GRHL2: variants seen among roughly 807,000 people sequenced by gnomAD.
The protein encoded by GRHL2 is grainyhead like transcription factor 2, also known as grainyhead-like protein 2 homolog.
GRHL2 carries 21 observed loss-of-function variants against 83.8 expected under a neutral mutation model. The observed-to-expected ratio is 0.25, with a 90% CI of 0.18 to 0.36. The LOEUF is 0.36. Among genes scored for constraint, GRHL2 ranks in the 10% least tolerant of loss-of-function variants. GRHL2 has a pLI of 1.00. For missense variants in GRHL2, 623 were observed against 781.8 expected (o/e 0.80, Z 2.42); for synonymous variants, 280 against 278.9 (o/e 1.00, Z -0.04).
At chr8:101,590,344 A>G (rs1812253957) in intron 7 of GRHL2, among the ~76,000 whole-genome samples, 1 of 152,198 alleles carries the variant, frequency 6.6e-6, no homozygotes, top group Non-Finnish European at 1.5e-5. Flanking sequence ...ATCTACTTGG[A>G]CTAGGGTTCA....
intron 5 of GRHL2, among the ~76,000 whole-genome samples, chr8:101,570,759 A>G (rs748088834): frequency 1.3e-4 from 20 of 151,892 alleles, no homozygotes; most frequent in Non-Finnish European, 2.6e-4. Flanking sequence ...TTTATTTCCT[A>G]TTGTGGCTAA....
chr8:101,494,526 G>A (rs1049375513), intron 1 of GRHL2, among the ~76,000 whole-genome samples: 1 of 152,144 alleles, frequency 6.6e-6, no homozygotes, highest in Middle Eastern at 3.2e-3. Context: ...TAGTCTTCAA[G>A]GAAACACGAC....
At chr8:101,592,694 A>G (rs1242696812) in intron 7 of GRHL2, among the ~76,000 whole-genome samples, 1 of 152,150 alleles carries the variant, frequency 6.6e-6, no homozygotes, top group African/African-American at 2.4e-5. Context: ...AAGCACCGTT[A>G]TAGAATCCCT....
intron 7 of GRHL2, among the ~76,000 whole-genome samples, chr8:101,587,256 T>C (rs1805461744): frequency 6.6e-6 from 1 of 152,224 alleles, no homozygotes; most frequent in South Asian, 2.1e-4. Flanking sequence ...CTGGAAATGT[T>C]AAAGCCATGA....
chr8:101,669,000 G>A lies in GRHL2; in HGVS notation c.*2297G>A, dbSNP rs185758020. The A allele has an allele frequency of 6.6e-6, 1 of 152,336 alleles. No individual in the cohort carries two copies. The highest frequency in any genetic ancestry group is 1.9e-4 in the East Asian group (1 of 5,180). The allele number at this position is 152,336 out of a possible 1,614,324, so 9.4% of individuals were successfully genotyped here. A position where few individuals can be genotyped will look rare whatever the true frequency, so the allele number is the denominator to read the frequency against. On this transcript the variant is annotated 3_prime_UTR_variant, in exon 16 of 16. Coordinates refer to ENST00000646743, the MANE Select transcript of GRHL2 (RefSeq NM_024915.4). ...TTGCCACAAGGGATATGAGGCCAGT[G>A]CCACCAGAGGGTGGTGCCAAGTGCC...
At chr8:101,626,545 T>C (rs1813083561) in intron 9 of GRHL2, among the ~76,000 whole-genome samples, 1 of 152,054 alleles carries the variant, frequency 6.6e-6, no homozygotes, top group African/African-American at 2.4e-5. Flanking sequence ...AGCCACATTC[T>C]TAAAATACAT....
At chr8:101,663,627 A>AATTAATT (rs1813973490) in intron 14 of GRHL2, among the ~76,000 whole-genome samples, 1 of 142,870 alleles carries the variant, frequency 7.0e-6, no homozygotes, top group African/African-American at 2.7e-5. Flanking sequence ...ATAAATAAAT[A>AATTAATT]AATAAATAAA....
At chr8:101,575,873 C>T (rs1917734) in intron 6 of GRHL2, among the ~76,000 whole-genome samples, 2 of 152,190 alleles carry the variant, frequency 1.3e-5, no homozygotes, top group African/African-American at 4.8e-5. Context: ...GAATGGTTTT[C>T]TTTGTTGTCA....
intron 5 of GRHL2, among the ~76,000 whole-genome samples, chr8:101,572,048 T>G (rs1451942686): frequency 6.6e-6 from 1 of 152,192 alleles, no homozygotes; most frequent in Admixed American, 6.5e-5. Flanking sequence ...TGGGTTTTTA[T>G]CCTGTGTTAT....
intron 3 of GRHL2, among the ~76,000 whole-genome samples, chr8:101,553,996 CAT>C (rs1811441200): frequency 6.6e-6 from 1 of 152,164 alleles, no homozygotes; most frequent in South Asian, 2.1e-4. Context: ...GGAGAGAAGC[CAT>C]AGTGTTTTTC....
At chr8:101,641,022 C>T (rs576589988) in intron 12 of GRHL2, among the ~76,000 whole-genome samples, 1 of 152,238 alleles carries the variant, frequency 6.6e-6, no homozygotes, top group South Asian at 2.1e-4. Flanking sequence ...ATCTGTATTA[C>T]CTTTGAAAAT....
At chr8:101,649,984 C>T (rs1379591098) in intron 14 of GRHL2, among the ~76,000 whole-genome samples, 1 of 152,178 alleles carries the variant, frequency 6.6e-6, no homozygotes, top group African/African-American at 2.4e-5. Context: ...CCAACTTGGG[C>T]TCACAAGAAG....
chr8:101,552,320 G>A (rs1482064757), intron 2 of GRHL2, among the ~76,000 whole-genome samples: 1 of 152,056 alleles, frequency 6.6e-6, no homozygotes, highest in Non-Finnish European at 1.5e-5. Context: ...TGTTCTTTAT[G>A]GTGACACTTG....
At position 101,566,239 on chromosome 8, in the gene GRHL2, G is replaced by A. The variant is rs953259122; in HGVS notation, c.679-4100G>A. ...AAGTAAAATTTTAGAAATTCTCTGG[G>A]ATACACATTTTATACCTTAGGAGGA... On this transcript the variant is annotated intron_variant, in intron 4 of 15. Transcript: ENST00000646743. Among the ~76,000 whole-genome samples, 3 of 152,052 alleles carry A rather than the reference G, an allele frequency of 2.0e-5. 1 individual carries two copies. The highest frequency in any genetic ancestry group is 4.4e-5 in the Non-Finnish European group (3 of 68,012).
At chr8:101,495,825 A>G (rs1810089803) in intron 1 of GRHL2, among the ~76,000 whole-genome samples, 1 of 152,190 alleles carries the variant, frequency 6.6e-6, no homozygotes, top group African/African-American at 2.4e-5. Flanking sequence ...AGTCACAAAA[A>G]ATACAACAGT....
At position 101,543,171 on chromosome 8, in the gene GRHL2, A is replaced by G. The variant is rs1811190064; in HGVS notation, c.21-70A>G. On this transcript the variant is annotated intron_variant, in intron 1 of 15. Coordinates refer to ENST00000646743, the MANE Select transcript of GRHL2 (RefSeq NM_024915.4). The stretch of plus-strand genomic sequence containing the variant: ...AAATTAATGTTTGTAGTCATGTAAT[A>G]TGTATATTATTAGGGGTAAAAAATT... 3 of 1,054,410 alleles carry G rather than the reference A, an allele frequency of 2.8e-6. No individual in the cohort carries two copies. In the South Asian group the frequency reaches 3.8e-5, roughly 13 times the overall value. The allele number at this position is 1,054,410 out of a possible 1,614,324, so 65.3% of individuals were successfully genotyped here.
At chr8:101,651,139 G>A (rs1338694179) in intron 14 of GRHL2, among the ~76,000 whole-genome samples, 1 of 152,146 alleles carries the variant, frequency 6.6e-6, no homozygotes, top group African/African-American at 2.4e-5. Context: ...GATTGCTAGG[G>A]GATAGACTAA....
At chr8:101,592,524 G>A (rs1812308787) in intron 7 of GRHL2, among the ~76,000 whole-genome samples, 1 of 152,070 alleles carries the variant, frequency 6.6e-6, no homozygotes, top group African/African-American at 2.4e-5. Flanking sequence ...ATTAAGTGTG[G>A]TCCCCAGACC....
chr8:101,653,904 G>T (rs10808374), intron 14 of GRHL2, among the ~76,000 whole-genome samples: 60,168 of 152,008 alleles, frequency 0.4, 14,378 homozygotes, highest in African/African-American at 0.67. Context: ...GTACCTTGGC[G>T]GGGAACTGGT....
Sources: allele counts gnomAD v4.1 joint callset (sites outside exome capture counted in the v4.1 genomes callset), GRCh38; gene constraint gnomAD v4.1.1; transcripts MANE v1.5; gene names NCBI Gene and HGNC (gene_info 2026-07-23, HGNC 2026-07-21).